The following KCNQ3 variants were observed in gnomAD, a reference collection of about 807,000 sequenced individuals.
KCNQ3 encodes the protein potassium voltage-gated channel subfamily KQT member 3.
Under a neutral mutation model 92.5 loss-of-function variants are expected in KCNQ3, and 30 were observed. The ratio of observed to expected loss-of-function variants is 0.32; its 90% CI spans 0.24 to 0.44. The LOEUF (loss-of-function observed/expected upper bound fraction) is 0.44. KCNQ3 is among the 20% of genes least tolerant of loss of function. The pLI, the probability that KCNQ3 is intolerant of heterozygous loss-of-function variation, is 1.00. For synonymous variants in KCNQ3, 450 were observed against 468.8 expected, an observed-to-expected ratio of 0.96 and a Z score of 0.52; for missense variants, 913 against 1,140.3, an observed-to-expected ratio of 0.80 and a Z score of 2.87.
At chr8:132,242,480 G>A (rs1815028077) in intron 1 of KCNQ3, among the ~76,000 whole-genome samples, 1 of 152,180 alleles carries the variant, frequency 6.6e-6, no homozygotes, top group Non-Finnish European at 1.5e-5. Context: ...GTAAGCAGCA[G>A]AGTTGCAATT....
chr8:132,310,657 G>A (rs192154514), intron 1 of KCNQ3, among the ~76,000 whole-genome samples: 19 of 152,314 alleles, frequency 1.2e-4, no homozygotes, highest in African/African-American at 4.3e-4. Context: ...GTGACTGGAC[G>A]CCTTCACAGC....
chr8:132,371,487 C>A (rs184116832), intron 1 of KCNQ3, among the ~76,000 whole-genome samples: 1 of 152,140 alleles, frequency 6.6e-6, no homozygotes, highest in Non-Finnish European at 1.5e-5. Flanking sequence ...GTCTGACCTG[C>A]GTCATCAAGG....
chr8:132,137,887 C>T lies in KCNQ3; in HGVS notation c.1698G>A (p.Thr566=), dbSNP rs781066375. Residue 566 remains threonine (T), a splice_region_variant and synonymous_variant, in exon 12 of 15, where the codon ACG becomes ACA. Coordinates refer to ENST00000388996, the MANE Select transcript of KCNQ3 (RefSeq NM_004519.4). ...CCCTCCAGATGTGACTGTCTCACCT[C>T]GTCTGAAGGTACTTTATCCTGGAAA... ...DMLSRIKYLQ[T]RIDMIFTPGP... 6 of 1,613,928 alleles carry T rather than the reference C, an allele frequency of 3.7e-6. No homozygotes were observed. Among genetic ancestry groups the T allele is most frequent in the Admixed American group, 1.7e-5 (1 of 60,000 alleles).
chr8:132,200,384 G>A (rs79322911), intron 1 of KCNQ3, among the ~76,000 whole-genome samples: 5,397 of 151,198 alleles, frequency 0.036, 160 homozygotes, highest in Non-Finnish European at 0.053. Context: ...GAGATGGTCT[G>A]GCCTATAAAG....
At chr8:132,260,324 A>T (rs1413508443) in intron 1 of KCNQ3, among the ~76,000 whole-genome samples, 1 of 152,212 alleles carries the variant, frequency 6.6e-6, no homozygotes, top group African/African-American at 2.4e-5. Flanking sequence ...ATGAATATGT[A>T]TTCATTCACC....
chr8:132,184,484 G>T lies in KCNQ3; in HGVS notation c.478-117C>A, dbSNP rs1204992434. 1.8e-5 allele frequency: 19 copies of T among 1,028,702 alleles called. No individual in the cohort carries two copies. In the East Asian group the frequency reaches 3.9e-4, roughly 21 times the overall value. 63.7% of individuals were successfully genotyped at this position (1,028,702 alleles called of 1,614,324 possible). A position where few individuals can be genotyped will look rare whatever the true frequency, so the allele number is the denominator to read the frequency against. ...ATTTTGTGCTGTTGCTGGTTGTCTG[G>T]TTGGCAGGGATGGCTGGGGATGGGG... On this transcript the variant is annotated intron_variant, in intron 2 of 14. Transcript: ENST00000388996.
At chr8:132,338,568 C>A (rs1818430670) in intron 1 of KCNQ3, among the ~76,000 whole-genome samples, 2 of 152,150 alleles carry the variant, frequency 1.3e-5, no homozygotes, top group South Asian at 2.1e-4. Context: ...TTGATCATGG[C>A]TCTTTGGAAG....
At chr8:132,303,794 A>G (rs1402319585) in intron 1 of KCNQ3, among the ~76,000 whole-genome samples, 1 of 149,008 alleles carries the variant, frequency 6.7e-6, no homozygotes, top group Non-Finnish European at 1.5e-5. Flanking sequence ...ATAAAATATT[A>G]CATGTGTGTA....
intron 1 of KCNQ3, among the ~76,000 whole-genome samples, chr8:132,335,692 C>T (rs991696894): frequency 6.6e-6 from 1 of 152,130 alleles, no homozygotes; most frequent in African/African-American, 2.4e-5. Flanking sequence ...AGAAACCATT[C>T]AAGAGTTTTG....
chr8:132,141,431 A>T (rs1216548964), intron 9 of KCNQ3, 100 bp from the exon 10 acceptor site: 1 of 1,038,998 alleles, frequency 9.6e-7, no homozygotes, highest in African/African-American at 1.6e-5. Context: ...TCCAAGGAGA[A>T]ATGGGGACCG....
rs1163071564 is a variant in KCNQ3 at position 132,480,312 on chromosome 8, C to T, written c.221G>A (p.Arg74His). ...DGTLLLEGGG[R>H]DEGQRRTPQG... Reference sequence around the variant, plus strand: ...CGGGGTCCTCCGCTGCCCCTCGTCGCGGCCGCCGCCCTCCAGCAGCAGGGT... The same window carrying T: ...CGGGGTCCTCCGCTGCCCCTCGTCGTGGCCGCCGCCCTCCAGCAGCAGGGT... Residue 74 changes from arginine to histidine, a missense_variant, in exon 1 of 15, where the codon CGC becomes CAC. By Grantham distance (29) the Arg-to-His change is conservative (BLOSUM62 0). This residue lies in a region of KCNQ3 where 183 missense variants were observed against 167.7 expected (regional missense o/e 1.09). Transcript: ENST00000388996. The T allele has an allele frequency of 1.2e-6, 2 of 1,601,726 alleles. No homozygotes were observed. Among genetic ancestry groups the T allele is most frequent in the African/African-American group, 1.3e-5 (1 of 74,680 alleles).
intron 10 of KCNQ3, chr8:132,140,547 T>C (rs1586763302): frequency 3.9e-6 from 1 of 257,340 alleles, no homozygotes; most frequent in East Asian, 9.4e-5. Context: ...GGACTTTTGC[T>C]CTGTCAGTCT....
intron 1 of KCNQ3, among the ~76,000 whole-genome samples, chr8:132,193,371 G>A (rs756450035): frequency 9.2e-5 from 14 of 152,222 alleles, no homozygotes; most frequent in Non-Finnish European, 1.9e-4. Flanking sequence ...CTTTGTAGCT[G>A]CACGTGGCTC....
At chr8:132,337,030 A>T (rs770409341) in intron 1 of KCNQ3, among the ~76,000 whole-genome samples, 6 of 152,152 alleles carry the variant, frequency 3.9e-5, no homozygotes, top group Non-Finnish European at 7.4e-5. Context: ...TCCTTTGTGC[A>T]TTTTTTCCTT....
chr8:132,382,458 G>A (rs941542722), intron 1 of KCNQ3, among the ~76,000 whole-genome samples: 4 of 152,122 alleles, frequency 2.6e-5, no homozygotes, highest in East Asian at 1.9e-4. Context: ...AGGCTTCACC[G>A]AAGCCAAGCA....
At chr8:132,449,480 G>A (rs1307015626) in intron 1 of KCNQ3, among the ~76,000 whole-genome samples, 1 of 151,952 alleles carries the variant, frequency 6.6e-6, no homozygotes, top group Non-Finnish European at 1.5e-5. Context: ...CTCCTACTCT[G>A]CCTCTCATGG....
intron 1 of KCNQ3, among the ~76,000 whole-genome samples, chr8:132,259,654 A>G (rs1465774145): frequency 6.6e-6 from 1 of 152,158 alleles, no homozygotes; most frequent in Non-Finnish European, 1.5e-5. Context: ...TCTATTCAGG[A>G]CAATGAGGCA....
At chr8:132,248,758 G>C (rs760088714) in intron 1 of KCNQ3, among the ~76,000 whole-genome samples, 2 of 152,176 alleles carry the variant, frequency 1.3e-5, no homozygotes, top group African/African-American at 2.4e-5. Flanking sequence ...TCCCTGCCAC[G>C]GTGATTGGCT....
intron 1 of KCNQ3, among the ~76,000 whole-genome samples, chr8:132,259,275 C>T (rs1815694959): frequency 6.6e-6 from 1 of 151,952 alleles, no homozygotes; most frequent in African/African-American, 2.4e-5. Flanking sequence ...CAAACTAATT[C>T]AATAACAAAT....
Sources: allele counts gnomAD v4.1 joint callset (sites outside exome capture counted in the v4.1 genomes callset), GRCh38; gene constraint gnomAD v4.1.1; regional missense constraint gnomAD v4.1.1; transcripts MANE v1.5; gene names NCBI Gene and HGNC (gene_info 2026-07-23, HGNC 2026-07-21).